Variants in AACS observed in about 807,000 individuals in gnomAD.
AACS encodes the protein acetoacetate-CoA ligase.
In AACS, 69 loss-of-function variants were observed where a neutral mutation model predicts 83.1. The observed-to-expected ratio is 0.83, with a 90% CI of 0.68 to 1.01. The LOEUF (loss-of-function observed/expected upper bound fraction) is 1.01. Ranked by LOEUF, AACS falls within the 50% of genes least tolerant of loss-of-function variation. AACS has a pLI of 0.00. For missense variants in AACS, 866 were observed against 882.2 expected, an observed-to-expected ratio of 0.98 and a Z score of 0.23; for synonymous variants, 333 against 343.4, an observed-to-expected ratio of 0.97 and a Z score of 0.33.
At chr12:125,103,232 ACCTGAGGC>A (rs1956756118) in intron 7 of AACS, 151 bp downstream of exon 7, 2 of 640,554 alleles carry the variant, frequency 3.1e-6, no homozygotes, top group African/African-American at 1.8e-5. Flanking sequence ...TAGATAAGAC[ACCTGAGGC>A]CCCAGAGTGA....
In AACS at chr12:125,143,226, C is replaced by G. The variant is rs185453530; in HGVS notation, c.*997C>G. The stretch of plus-strand genomic sequence containing the variant: ...GAAACTGAGCACAATGAAATCCTTT[C>G]TTGAATCATTTTCCTTTTGGATTAT... On this transcript the variant is annotated 3_prime_UTR_variant, in exon 18 of 18. Transcript: ENST00000316519. 26 of 152,354 alleles carry G rather than the reference C, an allele frequency of 1.7e-4. No homozygotes were observed. The highest frequency in any genetic ancestry group is 5.3e-4 in the African/African-American group (22 of 41,588). The allele number at this position is 152,354 out of a possible 1,614,324, so 9.4% of individuals were successfully genotyped here.
intron 13 of AACS, 85 bp downstream of exon 13, chr12:125,128,359 C>G: frequency 8.2e-7 from 1 of 1,223,294 alleles, no homozygotes; most frequent in Middle Eastern, 2.8e-4. Context: ...TTTGCTTGGA[C>G]ATAGTTCTCC....
chr12:125,069,510 C>G (rs1440073310), intron 1 of AACS, among the ~76,000 whole-genome samples: 1 of 152,236 alleles, frequency 6.6e-6, no homozygotes, highest in African/African-American at 2.4e-5. Context: ...TGTGCACTCC[C>G]TGCACATCCA....
intron 1 of AACS, among the ~76,000 whole-genome samples, chr12:125,072,172 TA>T (rs397851255): frequency 2.0e-5 from 3 of 151,060 alleles, no homozygotes; most frequent in Non-Finnish European, 4.4e-5. Context: ...TTTTTTTTTT[TA>T]AATGGGGTCT....
At chr12:125,141,793 C>T (rs1185707036) in intron 17 of AACS, 8 of 316,516 alleles carry the variant, frequency 2.5e-5, no homozygotes, top group East Asian at 5.8e-5. Context: ...TCTCAACAGC[C>T]GTGCCAGGGG....
chr12:125,067,934 G>A (rs1352052160), intron 1 of AACS, among the ~76,000 whole-genome samples: 3 of 152,208 alleles, frequency 2.0e-5, no homozygotes, highest in Non-Finnish European at 4.4e-5. Context: ...TGTAAAATGG[G>A]CATAACAGGA....
At position 125,115,301 on chromosome 12, in the gene AACS, C is replaced by G. The variant is rs192787989; in HGVS notation, c.996+744C>G. The stretch of plus-strand genomic sequence containing the variant: ...TTTGCGATGAAGTCTAGCTGTGTCG[C>G]CCAGGCTGGAGTGCAGTGACTGGAT... On this transcript the variant is annotated intron_variant, in intron 9 of 17. Coordinates refer to ENST00000316519, the MANE Select transcript of AACS (RefSeq NM_023928.5). 1.9e-3 allele frequency among the ~76,000 whole-genome samples: 280 copies of G among 149,676 alleles called. 1 individual carries two copies. Among genetic ancestry groups the G allele is most frequent in the African/African-American group, 6.4e-3 (260 of 40,610 alleles).
rs537846987 is a variant in AACS at position 125,095,930 on chromosome 12, G to A, written c.570+4407G>A. 3.3e-5 allele frequency among the ~76,000 whole-genome samples: 5 copies of A among 152,284 alleles called. No individual in the cohort carries two copies. In the South Asian group the frequency reaches 1.0e-3, roughly 32 times the overall value. ...AGGCTTTGGGCAAGTCACTCACCCC[G>A]TTCCTGCCTTATCAGGGTTAGGGAG... On this transcript the variant is annotated intron_variant, in intron 5 of 17. Transcript: ENST00000316519.
chr12:125,141,924 G>A (rs1489808384), intron 17 of AACS, among the ~76,000 whole-genome samples, 168 bp from the exon 18 acceptor site: 2 of 152,056 alleles, frequency 1.3e-5, no homozygotes, highest in East Asian at 3.9e-4. Context: ...ACCGTACTTC[G>A]GTGCACGTTT....
intron 3 of AACS, among the ~76,000 whole-genome samples, chr12:125,085,672 C>A (rs750782854): frequency 3.3e-5 from 5 of 152,136 alleles, no homozygotes; most frequent in Non-Finnish European, 7.4e-5. Flanking sequence ...GAGGATGTAG[C>A]CACTGGGGCA....
chr12:125,075,857 G>C (rs916551826), intron 2 of AACS, among the ~76,000 whole-genome samples: 1 of 152,122 alleles, frequency 6.6e-6, no homozygotes, highest in African/African-American at 2.4e-5. Context: ...CTCCCAAAGT[G>C]CTGGGATTAC....
At chr12:125,086,273 T>A (rs769628215) in intron 3 of AACS, 57 bp from the exon 4 acceptor site, 15 of 1,492,616 alleles carry the variant, frequency 1.0e-5, no homozygotes, top group Non-Finnish European at 1.3e-5. Context: ...AGTGTCTGGC[T>A]TGCAACTTTT....
At chr12:125,096,056 C>T (rs748778710) in intron 5 of AACS, among the ~76,000 whole-genome samples, 3 of 152,236 alleles carry the variant, frequency 2.0e-5, no homozygotes, top group Non-Finnish European at 4.4e-5. Flanking sequence ...GCTCCACCTC[C>T]TGGGTTCACA....
chr12:125,076,508 A>C lies in AACS; in HGVS notation c.255A>C (p.Lys85Asn), dbSNP rs1368455870. ...CTCTATAGGTTGTGGACACATCGAA[A>C]GGAATCGCAGATGTCCCCGAGTGGT... ...RVYDEVVDTS[K>N]GIADVPEWFK... is the part of the protein sequence containing the mutation. The change falls in exon 3 of 18, where the codon AAA (lysine) becomes AAC (asparagine). Residue 85 changes from lysine to asparagine, a missense_variant. Coordinates refer to ENST00000316519, the MANE Select transcript of AACS (RefSeq NM_023928.5). The C allele has an allele frequency of 1.9e-6, 3 of 1,614,154 alleles. No homozygotes were observed. Among genetic ancestry groups the C allele is most frequent in the Non-Finnish European group, 2.5e-6 (3 of 1,180,002 alleles).
At position 125,113,890 on chromosome 12, in the gene AACS, G is replaced by A. The variant is rs928825003; in HGVS notation, c.916-587G>A. On this transcript the variant is annotated intron_variant, in intron 8 of 17. Coordinates refer to ENST00000316519, the MANE Select transcript of AACS (RefSeq NM_023928.5). This position sits in a 1 kb window ranked among gnomAD's most constrained non-coding sequence, Gnocchi z 4.8. ...AGCACCAAAATTAAAAGGTAATAGG[G>A]CATAGTGGGTGGGAGGGAGCGGTTC... Among the ~76,000 whole-genome samples, 2 of 152,134 alleles carry A rather than the reference G, an allele frequency of 1.3e-5. No homozygotes were observed. The highest frequency in any genetic ancestry group is 2.4e-5 in the African/African-American group (1 of 41,428).
At chr12:125,080,745 G>T (rs1956156170) in intron 3 of AACS, among the ~76,000 whole-genome samples, 1 of 152,070 alleles carries the variant, frequency 6.6e-6, no homozygotes, top group African/African-American at 2.4e-5. Context: ...AGGCTGGAGT[G>T]CAGTGGCTTG....
chr12:125,076,875 G>A (rs1956038218), intron 3 of AACS, among the ~76,000 whole-genome samples: 1 of 152,110 alleles, frequency 6.6e-6, no homozygotes, highest in Admixed American at 6.6e-5. Flanking sequence ...ACTATAACTA[G>A]AATCTCTTCC....
chr12:125,073,304 A>C (rs1955927308), intron 1 of AACS, among the ~76,000 whole-genome samples: 1 of 152,040 alleles, frequency 6.6e-6, no homozygotes. Flanking sequence ...AAGTAGTAAC[A>C]CCTCCCAACA....
intron 8 of AACS, among the ~76,000 whole-genome samples, chr12:125,108,086 T>C (rs1432830592): frequency 6.6e-6 from 1 of 152,240 alleles, no homozygotes; most frequent in East Asian, 1.9e-4. Flanking sequence ...GTAAAACTTA[T>C]GTCTGACCGT....
Sources: gnomAD v4.1 joint callset for allele counts (sites outside exome capture counted in the v4.1 genomes callset) on GRCh38, gnomAD v4.1.1 for gene constraint, Gnocchi (gnomAD v3.1) non-coding constraint, MANE v1.5 for transcripts, NCBI Gene and HGNC (gene_info 2026-07-23, HGNC 2026-07-21) for gene names.